Variants in CTSW observed in about 807,000 individuals in gnomAD.
The protein encoded by CTSW is lymphopain.
A neutral mutation model predicts 43.8 loss-of-function variants in CTSW; 42 were observed. The observed-to-expected ratio is 0.96, with a 90% CI of 0.75 to 1.24. The LOEUF (loss-of-function observed/expected upper bound fraction) is 1.24. Among genes scored for constraint, CTSW ranks in the 50% most tolerant of loss-of-function variants. The probability of loss-of-function intolerance (pLI) is 0.00; values close to 1 mark genes in which losing one functional copy is unlikely to be tolerated. For synonymous variants in CTSW, 191 were observed against 184.8 expected, an observed-to-expected ratio of 1.03 and a Z score of -0.27; for missense variants, 475 against 479.9, an observed-to-expected ratio of 0.99 and a Z score of 0.09.
At position 65,882,437 on chromosome 11, in the gene CTSW, G is replaced by A. The variant is rs778677740; in HGVS notation, c.449G>A (p.Cys150Tyr). ...AISPIKDQKNCNCCWAMAAAG... is the reference protein window; with the variant it reads ...AISPIKDQKNYNCCWAMAAAG... ...CACCCTCTCGCCCTCCAGAAAAACTGCAACTGCTGCTGGGCCATGGCAGCG... is the reference window on the plus strand; with the variant it reads ...CACCCTCTCGCCCTCCAGAAAAACTACAACTGCTGCTGGGCCATGGCAGCG... The change falls in exon 5 of 10, where the codon TGC (cysteine) becomes TAC (tyrosine). Residue 150 changes from cysteine to tyrosine, a missense_variant. Coordinates refer to ENST00000307886, the MANE Select transcript of CTSW (RefSeq NM_001335.4). The A allele has an allele frequency of 1.2e-6, 2 of 1,614,182 alleles. No individual in the cohort carries two copies. The highest frequency in any genetic ancestry group is 2.2e-5 in the East Asian group (1 of 44,886).
At chr11:65,879,991 C>A in intron 1 of CTSW, 50 bp downstream of exon 1, 1 of 1,504,906 alleles carries the variant, frequency 6.6e-7, no homozygotes, top group East Asian at 2.4e-5. Flanking sequence ...CTGGGGTCAC[C>A]CCTTCAGAAA....
At position 65,882,845 on chromosome 11, in the gene CTSW, A is replaced by G; in HGVS notation, c.686A>G (p.Lys229Arg). Residue 229 changes from lysine (K) to arginine (R), a missense_variant, in exon 7 of 10, where the codon AAG becomes AGG. Coordinates refer to ENST00000307886, the MANE Select transcript of CTSW (RefSeq NM_001335.4). ...GTCAGAGCCCACAGGTGCCACCCCA[A>G]GAAGTACCAGAAGGTGGCCTGGATC... Reference protein sequence around the residue: ...GKVRAHRCHPKKYQKVAWIQD... With the variant: ...GKVRAHRCHPRKYQKVAWIQD... 1.9e-6 allele frequency: 3 copies of G among 1,614,128 alleles called. No homozygotes were observed. The highest frequency in any genetic ancestry group is 2.5e-6 in the Non-Finnish European group (3 of 1,180,024).
At chr11:65,880,093 G>A (rs574754986) in intron 1 of CTSW, 109 bp from the exon 2 acceptor site, 1 of 1,238,906 alleles carries the variant, frequency 8.1e-7, no homozygotes, top group Admixed American at 1.9e-5. Context: ...GACAGAAAAG[G>A]CTAACTGGCT....
rs1220055031 is a variant in CTSW at position 65,882,252 on chromosome 11, G to A, written c.364G>A (p.Glu122Lys). 6.2e-7 allele frequency: 1 copy of A among 1,614,198 alleles called. No homozygotes were observed. The highest frequency in any genetic ancestry group is 2.2e-5 in the East Asian group (1 of 44,884). The change falls in exon 4 of 10, where the codon GAA (glutamate) becomes AAA (lysine). Residue 122 changes from glutamate to lysine, a missense_variant. Physicochemically the swap from Glu to Lys is moderately conservative, Grantham distance 56. Transcript: ENST00000307886. The stretch of plus-strand genomic sequence containing the variant: ...CAGCATGGGCAGAGAAATAAGGTCT[G>A]AAGAGCCAGAGGAGTCAGTACCTTT... ...VPSMGREIRS[E>K]EPEESVPFSC... is the part of the protein sequence containing the mutation.
chr11:65,880,506 A>C, intron 2 of CTSW: 1 of 408,636 alleles, frequency 2.4e-6, no homozygotes, highest in Non-Finnish European at 4.6e-6. Flanking sequence ...TTTTTAGTAG[A>C]GATGGGGTTT....
rs746087896 is a variant in CTSW, at chr11:65,880,208, G to T, written c.94G>T (p.Gly32Cys). 6.2e-7 allele frequency: 1 copy of T among 1,614,138 alleles called. No individual in the cohort carries two copies. The highest frequency in any genetic ancestry group is 2.2e-5 in the East Asian group (1 of 44,892). ...IRGPLRAQDL[G>C]PQPLELKEAF... ...ACCCTTGGTTCCTTGCCAGGACCTAGGTCCCCAGCCGCTAGAGCTGAAAGA... is the reference window on the plus strand; with the variant it reads ...ACCCTTGGTTCCTTGCCAGGACCTATGTCCCCAGCCGCTAGAGCTGAAAGA... The change falls in exon 2 of 10, where the codon GGT becomes TGT. Residue 32 changes from glycine to cysteine, a missense_variant. Physicochemically the swap from Gly to Cys is radical, Grantham distance 159. Coordinates refer to ENST00000307886, the MANE Select transcript of CTSW (RefSeq NM_001335.4).
Position 65,882,285 on chromosome 11 carries a change from G to A in CTSW, c.397G>A (p.Asp133Asn). ...EPEESVPFSCDWRKVASAISP... is the reference protein window; with the variant it reads ...EPEESVPFSCNWRKVASAISP... ...AGAGGAGTCAGTACCTTTCAGCTGT[G>A]ACTGGCGGAAGGTGGCCAGCGCCAT... is the stretch of plus-strand genomic sequence containing the variant. The change falls in exon 4 of 10, where the codon GAC becomes AAC. Residue 133 changes from aspartate to asparagine, a missense_variant. Physicochemically the swap from Asp to Asn is conservative, Grantham distance 23. Coordinates refer to ENST00000307886, the MANE Select transcript of CTSW (RefSeq NM_001335.4). 1.9e-6 allele frequency: 3 copies of A among 1,614,188 alleles called. No individual in the cohort carries two copies. Among genetic ancestry groups the A allele is most frequent in the Non-Finnish European group, 2.5e-6 (3 of 1,180,024 alleles).
chr11:65,881,732 C>T lies in CTSW; in HGVS notation c.286+212C>T, dbSNP rs190293474. Among the ~76,000 whole-genome samples, 678 of 152,262 alleles carry T rather than the reference C, an allele frequency of 4.5e-3. 4 individuals carry two copies. The highest frequency in any genetic ancestry group is 8.1e-3 in the Non-Finnish European group (548 of 67,986). Reference sequence around the variant, plus strand: ...TGTCCTAATCCAGCCTAGGGGCCAGCGCAGCAGCTGCAGGGAAGCACCCAG... The same window carrying T: ...TGTCCTAATCCAGCCTAGGGGCCAGTGCAGCAGCTGCAGGGAAGCACCCAG... On this transcript the variant is annotated intron_variant, in intron 3 of 9. Coordinates refer to ENST00000307886, the MANE Select transcript of CTSW (RefSeq NM_001335.4).
Position 65,883,574 on chromosome 11 carries a change from G to C in CTSW, c.1087G>C (p.Val363Leu). The change falls in exon 10 of 10, where the codon GTG (valine) becomes CTG (leucine). Residue 363 changes from valine to leucine, a missense_variant. Val to Leu is a conservative substitution (Grantham distance 32). Coordinates refer to ENST00000307886, the MANE Select transcript of CTSW (RefSeq NM_001335.4). Reference sequence around the variant, plus strand: ...CACCAAGTTCCCGCTCACTGCCCGTGTGCAGAAACCGGATATGAAGCCCCG... The same window carrying C: ...CACCAAGTTCCCGCTCACTGCCCGTCTGCAGAAACCGGATATGAAGCCCCG... Reference protein sequence around the residue: ...GITKFPLTARVQKPDMKPRVS... With the variant: ...GITKFPLTARLQKPDMKPRVS... 1 of 1,614,052 alleles carries C rather than the reference G, an allele frequency of 6.2e-7. No homozygotes were observed. Among genetic ancestry groups the C allele is most frequent in the East Asian group, 2.2e-5 (1 of 44,882 alleles).
chr11:65,881,397 T>C lies in CTSW; in HGVS notation c.173-10T>C, dbSNP rs1280348653. 1.3e-6 allele frequency: 2 copies of C among 1,578,298 alleles called. No individual in the cohort carries two copies. The highest frequency in any genetic ancestry group is 1.7e-6 in the Non-Finnish European group (2 of 1,159,618). ...GGGAGTCAGCCTAGGACAACTCCCT[T>C]TTGGTCCAGAGCATGCTCACCGCCT... On this transcript the variant is annotated splice_polypyrimidine_tract_variant and intron_variant, in intron 2 of 9. Transcript: ENST00000307886.
Position 65,883,350 on chromosome 11 carries a change from T to TCTCAGC in CTSW, c.956_961dup (p.Gln319_Pro320dup), listed in dbSNP as rs766655959. On this transcript the variant is annotated inframe_insertion, in exon 9 of 10. Transcript: ENST00000307886. Reference sequence around the variant, plus strand: ...ATGGGCAGAGACAGTCTCATCGCAGTCTCAGCCTCAGCCTCCACACCCCAC... The same window carrying TCTCAGC: ...ATGGGCAGAGACAGTCTCATCGCAGTCTCAGCCTCAGCCTCAGCCTCCACACCCCAC... The TCTCAGC allele has an allele frequency of 8.1e-6, 13 of 1,613,876 alleles. No individual in the cohort carries two copies. The highest frequency in any genetic ancestry group is 8.5e-6 in the Non-Finnish European group (10 of 1,179,996).
At chr11:65,880,011 T>G in intron 1 of CTSW, 70 bp downstream of exon 1, 1 of 1,403,422 alleles carries the variant, frequency 7.1e-7, no homozygotes, top group Non-Finnish European at 9.9e-7. Context: ...ACAGCTGGCC[T>G]GTCATTCTCA....
chr11:65,883,247 C>T lies in CTSW; in HGVS notation c.843C>T (p.Pro281=), dbSNP rs746027730. The change falls in exon 9 of 10, where the codon CCC becomes CCT. Residue 281 remains proline (P), a synonymous_variant. Coordinates refer to ENST00000307886, the MANE Select transcript of CTSW (RefSeq NM_001335.4). ...GGAAAGGTGTGATCAAGGCCACACC[C>T]ACCACCTGTGACCCCCAGCTTGTGG... The part of the protein sequence containing the change: ...LYRKGVIKAT[P]TTCDPQLVDH... 6.2e-6 allele frequency: 10 copies of T among 1,613,822 alleles called. No homozygotes were observed. In the South Asian group the frequency reaches 6.6e-5, roughly 11 times the overall value.
intron 7 of CTSW, 80 bp downstream of exon 7, chr11:65,882,984 G>C: frequency 1.2e-6 from 2 of 1,612,422 alleles, no homozygotes; most frequent in African/African-American, 2.7e-5. Flanking sequence ...TACTGGGCTA[G>C]AAGACAAGAG....
rs1413608630 is a variant in CTSW at position 65,880,252 on chromosome 11, G to C, written c.138G>C (p.Gln46His). The C allele has an allele frequency of 6.2e-7, 1 of 1,613,998 alleles. No individual in the cohort carries two copies. Among genetic ancestry groups the C allele is most frequent in the South Asian group, 1.1e-5 (1 of 91,066 alleles). Residue 46 changes from glutamine (Q) to histidine (H), a missense_variant, in exon 2 of 10, where the codon CAG becomes CAC. Gln to His is a conservative substitution (Grantham distance 24, BLOSUM62 0). Coordinates refer to ENST00000307886, the MANE Select transcript of CTSW (RefSeq NM_001335.4). ...TGAAAGAGGCCTTCAAGTTGTTCCA[G>C]ATCCAGTTCAACCGGAGTTACCTGA... ...LELKEAFKLF[Q>H]IQFNRSYLSP...
chr11:65,879,891 C>A lies in CTSW; in HGVS notation c.37C>A (p.Leu13Met). The A allele has an allele frequency of 6.2e-7, 1 of 1,613,888 alleles. No homozygotes were observed. The highest frequency in any genetic ancestry group is 1.3e-5 in the African/African-American group (1 of 75,048). The change falls in exon 1 of 10, where the codon CTG becomes ATG. Residue 13 changes from leucine (L) to methionine (M), a missense_variant. By Grantham distance (15) the Leu-to-Met change is conservative (BLOSUM62 2). Coordinates refer to ENST00000307886, the MANE Select transcript of CTSW (RefSeq NM_001335.4). ...TGCCCACCCCTCCTGCCTCCTGGCC[C>A]TGTTGGTGGCAGGCCTAGCCCAAGG... ...LTAHPSCLLA[L>M]LVAGLAQGIR...
rs1228335117 is a variant in CTSW at position 65,882,316 on chromosome 11, C to G, written c.428C>G (p.Pro143Arg). The change falls in exon 4 of 10, where the codon CCC becomes CGC. Residue 143 changes from proline (P) to arginine (R), a missense_variant. By Grantham distance (103) the Pro-to-Arg change is moderately radical. Coordinates refer to ENST00000307886, the MANE Select transcript of CTSW (RefSeq NM_001335.4). ...DWRKVASAIS[P>R]IKDQKNCNCC... is the part of the protein sequence containing the mutation. Reference sequence around the variant, plus strand: ...CGGAAGGTGGCCAGCGCCATCTCACCCATCAAGGACCAGGTATCTGCCGCT... The same window carrying G: ...CGGAAGGTGGCCAGCGCCATCTCACGCATCAAGGACCAGGTATCTGCCGCT... 1 of 1,614,128 alleles carries G rather than the reference C, an allele frequency of 6.2e-7. No individual in the cohort carries two copies. Among genetic ancestry groups the G allele is most frequent in the African/African-American group, 1.3e-5 (1 of 75,036 alleles).
At chr11:65,881,592 C>A in intron 3 of CTSW, 72 bp downstream of exon 3, 5 of 1,011,912 alleles carry the variant, frequency 4.9e-6, no homozygotes, top group South Asian at 1.5e-5. Flanking sequence ...GCAGCTGGAC[C>A]CAGCGGACCT....
chr11:65,880,960 C>T (rs1259756646), intron 2 of CTSW, among the ~76,000 whole-genome samples: 1 of 151,752 alleles, frequency 6.6e-6, no homozygotes, highest in Admixed American at 6.6e-5. Flanking sequence ...ATGATCTAAC[C>T]CCTGCCCCTG....
Sources: allele counts gnomAD v4.1 joint callset (sites outside exome capture counted in the v4.1 genomes callset), GRCh38; gene constraint gnomAD v4.1.1; transcripts MANE v1.5; gene names NCBI Gene and HGNC (gene_info 2026-07-23, HGNC 2026-07-21).